Variants in MET observed in about 807,000 individuals in gnomAD.
MET encodes MET proto-oncogene, receptor tyrosine kinase, also known as hepatocyte growth factor receptor.
Under a neutral mutation model 133.1 loss-of-function variants are expected in MET, and 48 were observed. The observed-to-expected ratio is 0.36, with a 90% CI of 0.29 to 0.46. The LOEUF (loss-of-function observed/expected upper bound fraction) is 0.46, where lower values mean the gene tolerates loss of function less well. MET is among the 20% of genes least tolerant of loss of function. MET has a pLI of 1.00. For missense variants in MET, 1,442 were observed against 1,695.9 expected (o/e 0.85, Z 2.63); for synonymous variants, 628 against 616.5 (o/e 1.02, Z -0.28).
intron 11 of MET, among the ~76,000 whole-genome samples, chr7:116,765,125 C>A (rs1034453482): frequency 6.6e-6 from 1 of 151,758 alleles, no homozygotes; most frequent in Non-Finnish European, 1.5e-5. Flanking sequence ...AATGGTGAAA[C>A]CCCATCTCCA....
rs1796306450 is a variant in MET at position 116,680,350 on chromosome 7, A to G, written c.-15+7773A>G. Among the ~76,000 whole-genome samples, 3 of 152,360 alleles carry G rather than the reference A, an allele frequency of 2.0e-5. No individual in the cohort carries two copies. In the South Asian group the frequency reaches 6.2e-4, roughly 32 times the overall value. ...TATTTACATGACTTTTAAAATTCCA[A>G]TGTAAAGGTCTCACAACTTGAAAAA... On this transcript the variant is annotated intron_variant, in intron 1 of 20. Transcript: ENST00000397752.
At chr7:116,694,210 G>A (rs1362260104) in intron 1 of MET, among the ~76,000 whole-genome samples, 3 of 152,130 alleles carry the variant, frequency 2.0e-5, no homozygotes, top group Non-Finnish European at 4.4e-5. Flanking sequence ...TTGTTAATGG[G>A]GAAGGGCCTT....
At chr7:116,741,219 G>A (rs569292290) in intron 5 of MET, 194 bp downstream of exon 5, 5 of 641,450 alleles carry the variant, frequency 7.8e-6, no homozygotes, top group Non-Finnish European at 1.3e-5. Context: ...CCCTCGGGCA[G>A]GGAGGGGGTG....
rs2116922475 is a variant in MET at position 116,757,609 on chromosome 7, A to T, written c.1966-29A>T. ...ATTTAAATTATAAGATGAACAAGTT[A>T]CTTTGTTTTGTTTTTATCTCCCCTC... On this transcript the variant is annotated intron_variant, in intron 7 of 20. Coordinates refer to ENST00000397752, the MANE Select transcript of MET (RefSeq NM_000245.4). The T allele has an allele frequency of 6.2e-7, 1 of 1,613,760 alleles. No homozygotes were observed. Among genetic ancestry groups the T allele is most frequent in the Non-Finnish European group, 8.5e-7 (1 of 1,179,776 alleles).
At position 116,706,334 on chromosome 7, in the gene MET, T is replaced by C. The variant is rs546520309; in HGVS notation, c.1200+6050T>C. ...TACACGGAGATTCATCTGATAAAAC[T>C]GATATCGCAAACGGGAAGGAGTTTG... is the stretch of plus-strand genomic sequence containing the variant. On this transcript the variant is annotated intron_variant, in intron 2 of 20. Coordinates refer to ENST00000397752, the MANE Select transcript of MET (RefSeq NM_000245.4). 8.9e-4 allele frequency among the ~76,000 whole-genome samples: 136 copies of C among 152,262 alleles called. 1 individual carries two copies. Among genetic ancestry groups the C allele is most frequent in the African/African-American group, 3.2e-3 (133 of 41,572 alleles).
At position 116,775,444 on chromosome 7, in the gene MET, G is replaced by A. The variant is rs148544593; in HGVS notation, c.3259+333G>A. ...CAGGGCCAGGCGCAGTGGCTCACAC[G>A]TGTAATCCCAGCACTTTGGGAGGCC... On this transcript the variant is annotated intron_variant, in intron 15 of 20. Transcript: ENST00000397752. Among the ~76,000 whole-genome samples the A allele has an allele frequency of 2.2e-3, 341 of 152,196 alleles. 3 individuals are homozygous for A. Among genetic ancestry groups the A allele is most frequent in the African/African-American group, 7.7e-3 (321 of 41,530 alleles).
chr7:116,733,716 C>T (rs1218816835), intron 3 of MET, among the ~76,000 whole-genome samples: 1 of 152,086 alleles, frequency 6.6e-6, no homozygotes, highest in African/African-American at 2.4e-5. Flanking sequence ...ACTGGTATCA[C>T]TGATTTTTTT....
At chr7:116,713,505 A>C (rs971976491) in intron 2 of MET, among the ~76,000 whole-genome samples, 7 of 152,108 alleles carry the variant, frequency 4.6e-5, no homozygotes, top group Non-Finnish European at 1.0e-4. Flanking sequence ...GGCACCAAGT[A>C]CGTGCTTGGT....
chr7:116,767,866 T>G (rs1285143621), intron 11 of MET, among the ~76,000 whole-genome samples: 4 of 151,100 alleles, frequency 2.6e-5, no homozygotes, highest in African/African-American at 9.7e-5. Context: ...AGCCTATACC[T>G]TTTAAAATTT....
chr7:116,757,515 A>G lies in MET; in HGVS notation c.1941A>G (p.Thr647=), dbSNP rs1348251462. 1 of 1,613,630 alleles carries G rather than the reference A, an allele frequency of 6.2e-7. No individual in the cohort carries two copies. The highest frequency in any genetic ancestry group is 8.5e-7 in the Non-Finnish European group (1 of 1,179,762). The stretch of plus-strand genomic sequence containing the variant: ...TTATTTCAAATGGCCACGGGACAAC[A>G]CAATACAGTACATTCTCCTATGTGG... The part of the protein sequence containing the change: ...SIIISNGHGT[T]QYSTFSYVDP... Residue 647 remains threonine (T), a synonymous_variant, in exon 7 of 21, where the codon ACA becomes ACG. Coordinates refer to ENST00000397752, the MANE Select transcript of MET (RefSeq NM_000245.4).
At chr7:116,736,450 T>C (rs1413287662) in intron 3 of MET, among the ~76,000 whole-genome samples, 1 of 152,118 alleles carries the variant, frequency 6.6e-6, no homozygotes, top group Non-Finnish European at 1.5e-5. Flanking sequence ...TTAAATTGTA[T>C]TCATCATTCT....
At chr7:116,709,660 T>C (rs1017402995) in intron 2 of MET, among the ~76,000 whole-genome samples, 13 of 152,138 alleles carry the variant, frequency 8.5e-5, no homozygotes, top group Non-Finnish European at 1.8e-4. Context: ...GGCTTGCCCC[T>C]TCCTGAAGGC....
intron 10 of MET, among the ~76,000 whole-genome samples, chr7:116,761,211 A>C (rs895518635): frequency 2.6e-5 from 4 of 152,184 alleles, no homozygotes; most frequent in African/African-American, 9.6e-5. Flanking sequence ...GATGATTCAA[A>C]CAATGGTAGA....
chr7:116,782,150 C>A, intron 18 of MET, 53 bp downstream of exon 18: 1 of 1,184,164 alleles, frequency 8.4e-7, no homozygotes, highest in Non-Finnish European at 1.3e-6. Flanking sequence ...AAGGAGGAAT[C>A]TGTTTCCCAC....
At position 116,723,905 on chromosome 7, in the gene MET, T is replaced by C. The variant is rs553304687; in HGVS notation, c.1201-7763T>C. 1.2e-3 allele frequency among the ~76,000 whole-genome samples: 180 copies of C among 152,354 alleles called. 1 individual carries two copies. In the East Asian group the frequency reaches 0.029, roughly 25 times the overall value. ...CTTCAAAGCTGTCAGACAGGGACAT[T>C]TAAGTCTGCAGAGGTTACTGCTGTC... On this transcript the variant is annotated intron_variant, in intron 2 of 20. Transcript: ENST00000397752.
chr7:116,717,840 A>C (rs754276218), intron 2 of MET, among the ~76,000 whole-genome samples: 47 of 152,324 alleles, frequency 3.1e-4, no homozygotes, highest in Non-Finnish European at 5.1e-4. Context: ...TCATAATGTT[A>C]ATTAGGGGAA....
rs575667775 is a variant in MET at position 116,779,685 on chromosome 7, G to A, written c.3522+728G>A. On this transcript the variant is annotated intron_variant, in intron 17 of 20. Transcript: ENST00000397752. ...TAGTTCGAACTGAAATGTGCTGTAC[G>A]GTGTAGAATACATCCCAGATTCTGA... is the stretch of plus-strand genomic sequence containing the variant. Among the ~76,000 whole-genome samples, 12 of 151,884 alleles carry A rather than the reference G, an allele frequency of 7.9e-5. No homozygotes were observed. In the South Asian group the frequency reaches 2.1e-3, roughly 26 times the overall value.
At chr7:116,727,209 A>G (rs1026429907) in intron 2 of MET, among the ~76,000 whole-genome samples, 3 of 152,178 alleles carry the variant, frequency 2.0e-5, no homozygotes, top group African/African-American at 7.2e-5. Flanking sequence ...AGCCCTTTCC[A>G]TTTTTGTAAT....
chr7:116,689,875 T>C (rs934069079), intron 1 of MET, among the ~76,000 whole-genome samples: 5 of 152,080 alleles, frequency 3.3e-5, no homozygotes, highest in African/African-American at 4.8e-5. Flanking sequence ...TAACTCTTTT[T>C]TAAAGAGTTA....
Sources: gnomAD v4.1 joint callset for allele counts (sites outside exome capture counted in the v4.1 genomes callset) on GRCh38, gnomAD v4.1.1 for gene constraint, MANE v1.5 for transcripts, NCBI Gene and HGNC (gene_info 2026-07-23, HGNC 2026-07-21) for gene names.